Variants in PPFIA1 observed in about 807,000 individuals in gnomAD.
PPFIA1 encodes PPFI scaffold protein A1.
In PPFIA1, 25 loss-of-function variants were observed where a neutral mutation model predicts 149.9. That is an observed-to-expected ratio of 0.17 (90% CI 0.12 to 0.23). The LOEUF (loss-of-function observed/expected upper bound fraction) is 0.23, where lower values mean the gene tolerates loss of function less well. Ranked by LOEUF, PPFIA1 falls within the 10% of genes least tolerant of loss-of-function variation. PPFIA1 has a pLI of 1.00. For synonymous variants in PPFIA1, 549 were observed against 552.8 expected (o/e 0.99, Z 0.10); for missense variants, 1,362 against 1,506.5 (o/e 0.90, Z 1.59).
At chr11:70,286,590 A>G (rs1046080271) in intron 2 of PPFIA1, among the ~76,000 whole-genome samples, 1 of 151,828 alleles carries the variant, frequency 6.6e-6, no homozygotes, top group African/African-American at 2.4e-5. Context: ...TCTAGTCTCC[A>G]GGACCTGTGG....
chr11:70,289,757 C>T (rs916950647), intron 2 of PPFIA1, among the ~76,000 whole-genome samples: 4 of 152,192 alleles, frequency 2.6e-5, no homozygotes, highest in East Asian at 1.9e-4. Flanking sequence ...GCATTACAGG[C>T]GTGGCTCACT....
At chr11:70,292,222 G>C (rs1239256523) in intron 2 of PPFIA1, among the ~76,000 whole-genome samples, 1 of 152,164 alleles carries the variant, frequency 6.6e-6, no homozygotes, top group Non-Finnish European at 1.5e-5. Context: ...GGGCTCAAGT[G>C]ACCCCCCTGC....
At position 70,362,198 on chromosome 11, in the gene PPFIA1, C is replaced by A. The variant is rs1452606973; in HGVS notation, c.2664+22C>A. On this transcript the variant is annotated intron_variant, in intron 20 of 27. Coordinates refer to ENST00000253925, the MANE Select transcript of PPFIA1 (RefSeq NM_003626.5). ...AGAGGTACATCCTTCATTTAACATG[C>A]AGTTGCGTGGGTTACAGTATGTGAA... The A allele has an allele frequency of 4.3e-6, 7 of 1,613,218 alleles. No homozygotes were observed. In the African/African-American group the frequency reaches 9.4e-5, roughly 22 times the overall value.
rs1244791045 is a variant in PPFIA1 at position 70,295,177 on chromosome 11, C to T, written c.264+22741C>T. Among the ~76,000 whole-genome samples, 53 of 145,574 alleles carry T rather than the reference C, an allele frequency of 3.6e-4. No individual in the cohort carries two copies. In the South Asian group the frequency reaches 0.011, roughly 29 times the overall value. On this transcript the variant is annotated intron_variant, in intron 2 of 27. Transcript: ENST00000253925. ...CTCCTGGGTGGGGCGGCTGGCCGGG[C>T]GGGGGGCTGACCCCCCCACCTCCCT...
chr11:70,355,555 G>A, intron 17 of PPFIA1, 84 bp from the exon 18 acceptor site: 1 of 1,277,290 alleles, frequency 7.8e-7, no homozygotes, highest in East Asian at 2.4e-5. Context: ...GAGACTGGAA[G>A]TGCTTGTAGG....
At chr11:70,359,409 A>G (rs749139458) in intron 19 of PPFIA1, among the ~76,000 whole-genome samples, 1 of 152,184 alleles carries the variant, frequency 6.6e-6, no homozygotes, top group Non-Finnish European at 1.5e-5. Context: ...CCAGTGTGCC[A>G]TGGCAATGGA....
At chr11:70,347,562 C>T (rs565583857) in intron 15 of PPFIA1, among the ~76,000 whole-genome samples, 1 of 152,160 alleles carries the variant, frequency 6.6e-6, no homozygotes, top group East Asian at 1.9e-4. Context: ...AAAGATGAGC[C>T]AGGCGTGGTA....
At chr11:70,376,176 A>T (rs1565467134) in intron 24 of PPFIA1, among the ~76,000 whole-genome samples, 1 of 152,146 alleles carries the variant, frequency 6.6e-6, no homozygotes, top group Non-Finnish European at 1.5e-5. Context: ...TTTAGTATAG[A>T]TGGGATTTCA....
intron 7 of PPFIA1, among the ~76,000 whole-genome samples, chr11:70,328,373 G>T (rs935658664): frequency 6.6e-6 from 1 of 151,974 alleles, no homozygotes; most frequent in Non-Finnish European, 1.5e-5. Flanking sequence ...GATAATGGCC[G>T]CCAGCTCCAT....
At chr11:70,285,679 C>CA (rs111860640) in intron 2 of PPFIA1, among the ~76,000 whole-genome samples, 1,350 of 82,094 alleles carry the variant, frequency 0.016, 15 homozygotes, top group South Asian at 0.051. Flanking sequence ...GACTCTGTCT[C>CA]AAAAAAAAAA....
At chr11:70,357,210 G>A (rs1206703318) in intron 19 of PPFIA1, among the ~76,000 whole-genome samples, 1 of 152,182 alleles carries the variant, frequency 6.6e-6, no homozygotes, top group African/African-American at 2.4e-5. Flanking sequence ...GGTGAAACTT[G>A]ACGGGCTGTA....
chr11:70,342,935 C>CGTTTTT (rs1565421266), intron 14 of PPFIA1, among the ~76,000 whole-genome samples: 2 of 103,128 alleles, frequency 1.9e-5, no homozygotes, highest in African/African-American at 8.5e-5. Context: ...AAATGTACCA[C>CGTTTTT]CTTTTTTTTT....
intron 14 of PPFIA1, among the ~76,000 whole-genome samples, chr11:70,341,523 G>A (rs1449075704): frequency 3.9e-5 from 6 of 152,180 alleles, no homozygotes; most frequent in Non-Finnish European, 8.8e-5. Context: ...CCAGGGCCAT[G>A]TTCAGGTTGA....
chr11:70,359,709 C>T (rs2056537772), intron 19 of PPFIA1, among the ~76,000 whole-genome samples: 1 of 152,212 alleles, frequency 6.6e-6, no homozygotes, highest in Non-Finnish European at 1.5e-5. Flanking sequence ...ACAACTTTAC[C>T]GTTATGCTAT....
chr11:70,286,939 T>C (rs1217148952), intron 2 of PPFIA1, among the ~76,000 whole-genome samples: 2 of 121,290 alleles, frequency 1.6e-5, no homozygotes, highest in East Asian at 4.1e-4. Context: ...TATACACATA[T>C]ATATACACAT....
At chr11:70,347,504 C>G (rs1410013788) in intron 15 of PPFIA1, among the ~76,000 whole-genome samples, 3 of 152,066 alleles carry the variant, frequency 2.0e-5, no homozygotes, top group Non-Finnish European at 4.4e-5. Context: ...GAGTTTGAGA[C>G]CAGCCTTGGC....
intron 7 of PPFIA1, among the ~76,000 whole-genome samples, chr11:70,328,228 C>T (rs1031407424): frequency 6.6e-6 from 1 of 152,148 alleles, no homozygotes; most frequent in African/African-American, 2.4e-5. Flanking sequence ...TTCCTCCTAT[C>T]CTCCACCCTC....
At chr11:70,363,271 C>T (rs1380010563) in intron 21 of PPFIA1, 1 of 152,306 alleles carries the variant, frequency 6.6e-6, no homozygotes, top group Admixed American at 6.5e-5. Context: ...ACTGCCCCTT[C>T]CCTAGGGATG....
At chr11:70,374,848 C>T (rs2057417485) in intron 23 of PPFIA1, 70 bp from the exon 24 acceptor site, 4 of 1,380,320 alleles carry the variant, frequency 2.9e-6, no homozygotes, top group East Asian at 4.7e-5. Context: ...CTTTCTCCTG[C>T]ATTACAGGGT....
Sources: allele counts gnomAD v4.1 joint callset (sites outside exome capture counted in the v4.1 genomes callset), GRCh38; gene constraint gnomAD v4.1.1; transcripts MANE v1.5; gene names NCBI Gene and HGNC (gene_info 2026-07-23, HGNC 2026-07-21).